Variants in TRIM41 observed in about 807,000 individuals in gnomAD.
TRIM41 encodes tripartite motif containing 41.
A neutral mutation model predicts 60.6 loss-of-function variants in TRIM41; 21 were observed. That is an observed-to-expected ratio of 0.35 (90% CI 0.25 to 0.50). The LOEUF is 0.50. Ranked by LOEUF, TRIM41 falls within the 20% of genes least tolerant of loss-of-function variation. The pLI, the probability that TRIM41 is intolerant of heterozygous loss-of-function variation, is 0.98. For missense variants in TRIM41, 846 were observed against 868.3 expected, an observed-to-expected ratio of 0.97 and a Z score of 0.32; for synonymous variants, 407 against 344.9, an observed-to-expected ratio of 1.18 and a Z score of -2.00.
In TRIM41 at chr5:181,234,053, G is replaced by T; in HGVS notation, c.1292-121G>T. The T allele has an allele frequency of 6.6e-7, 1 of 1,520,442 alleles. No homozygotes were observed. Among genetic ancestry groups the T allele is most frequent in the Non-Finnish European group, 9.0e-7 (1 of 1,113,466 alleles). 94.2% of individuals were successfully genotyped at this position (1,520,442 alleles called of 1,614,324 possible). Reference sequence around the variant, plus strand: ...ATGAGCCTGCAGGAATCTGAGGCTGGCCTCTGGGATGGTGTGGGGAGCTGG... The same window carrying T: ...ATGAGCCTGCAGGAATCTGAGGCTGTCCTCTGGGATGGTGTGGGGAGCTGG... On this transcript the variant is annotated intron_variant, in intron 5 of 5. Coordinates refer to ENST00000315073, the MANE Select transcript of TRIM41 (RefSeq NM_033549.5). This position sits in a 1 kb window ranked among gnomAD's most constrained non-coding sequence, Gnocchi z 5.6.
chr5:181,225,143 C>G, intron 1 of TRIM41: 1 of 363,892 alleles, frequency 2.7e-6, no homozygotes, highest in South Asian at 2.9e-5. Context: ...GACGGAGACA[C>G]CTAGAGATGG....
chr5:181,224,868 AG>A (rs1274342387), intron 1 of TRIM41, 56 bp downstream of exon 1: 44 of 1,609,786 alleles, frequency 2.7e-5, no homozygotes, highest in Non-Finnish European at 3.6e-5. Flanking sequence ...AGAGGAAGTA[AG>A]GGGACCTGGG....
At position 181,235,638 on chromosome 5, in the gene TRIM41, G is replaced by A. The variant is rs1759079116; in HGVS notation, c.*863G>A. On this transcript the variant is annotated 3_prime_UTR_variant, in exon 6 of 6. Transcript: ENST00000315073. ...TGGCAAGCTCTGAGGGGGAGCCTGG[G>A]GACGGGTTTGGGTCCCCAGGAGGAG... 1.9e-6 allele frequency: 1 copy of A among 531,832 alleles called. No individual in the cohort carries two copies. The highest frequency in any genetic ancestry group is 3.1e-5 in the East Asian group (1 of 32,404). The allele number at this position is 531,832 out of a possible 1,614,324, so 32.9% of individuals were successfully genotyped here.
chr5:181,233,612 C>T lies in TRIM41; in HGVS notation c.1164-24C>T. 6.2e-7 allele frequency: 1 copy of T among 1,613,396 alleles called. No homozygotes were observed. The highest frequency in any genetic ancestry group is 8.5e-7 in the Non-Finnish European group (1 of 1,179,444). On this transcript the variant is annotated intron_variant, in intron 4 of 5. Transcript: ENST00000315073. The surrounding 1 kb of genome is among the most constrained non-coding windows in gnomAD (Gnocchi z 4.1). ...CCTCTGGGAATATCGTGGTCCCACC[C>T]CCTGCCCGGTCCCCTTCCTCCAGGT... is the stretch of plus-strand genomic sequence containing the variant.
In TRIM41 at chr5:181,235,490, C is replaced by T; in HGVS notation, c.*715C>T. On this transcript the variant is annotated 3_prime_UTR_variant, in exon 6 of 6. Transcript: ENST00000315073. ...CCCCCTTCCCTTTTCCAGCACTCAA[C>T]CAAGGAGCAAAGCTCATCCCACCCC... is the stretch of plus-strand genomic sequence containing the variant. The T allele has an allele frequency of 6.6e-7, 1 of 1,524,498 alleles. No homozygotes were observed. The allele number at this position is 1,524,498 out of a possible 1,614,324, so 94.4% of individuals were successfully genotyped here.
chr5:181,230,906 C>A, intron 2 of TRIM41, 67 bp downstream of exon 2: 2 of 1,412,282 alleles, frequency 1.4e-6, no homozygotes, highest in Non-Finnish European at 2.0e-6. Flanking sequence ...GGGCTTCCCA[C>A]TCTCACAGGG....
At chr5:181,225,125 C>A (rs1233300383) in intron 1 of TRIM41, 2 of 417,772 alleles carry the variant, frequency 4.8e-6, no homozygotes, top group South Asian at 2.4e-5. Context: ...AGTCTTAAGT[C>A]TGTCCTTGAC....
Position 181,235,776 on chromosome 5 carries a change from T to A in TRIM41, c.*1001T>A. 4.5e-6 allele frequency: 1 copy of A among 221,020 alleles called. No homozygotes were observed. Among genetic ancestry groups the A allele is most frequent in the Non-Finnish European group, 9.3e-6 (1 of 107,650 alleles). 13.7% of individuals were successfully genotyped at this position (221,020 alleles called of 1,614,324 possible). Reference sequence around the variant, plus strand: ...ATGTTCTTTGGGAAAAGGGAAGGCGTGCTGTGGAAATAAAATGTTTATTTG... The same window carrying A: ...ATGTTCTTTGGGAAAAGGGAAGGCGAGCTGTGGAAATAAAATGTTTATTTG... On this transcript the variant is annotated 3_prime_UTR_variant, in exon 6 of 6. Coordinates refer to ENST00000315073, the MANE Select transcript of TRIM41 (RefSeq NM_033549.5).
In TRIM41 at chr5:181,233,262, T is replaced by C. The variant is rs965245192; in HGVS notation, c.1141-151T>C. The C allele has an allele frequency of 1.5e-5, 13 of 842,618 alleles. No individual in the cohort carries two copies. Among genetic ancestry groups the C allele is most frequent in the African/African-American group, 1.5e-4 (9 of 60,130 alleles). The allele number at this position is 842,618 out of a possible 1,614,324, so 52.2% of individuals were successfully genotyped here. ...CGAGGCATGGGGTGGTTGAAATGGATGTGTGTTCATTGAGGGCCGTGAGGG... is the reference window on the plus strand; with the variant it reads ...CGAGGCATGGGGTGGTTGAAATGGACGTGTGTTCATTGAGGGCCGTGAGGG... On this transcript the variant is annotated intron_variant, in intron 3 of 5. Transcript: ENST00000315073. This position sits in a 1 kb window ranked among gnomAD's most constrained non-coding sequence, Gnocchi z 4.1.
chr5:181,233,619 C>T lies in TRIM41; in HGVS notation c.1164-17C>T, dbSNP rs374615378. 35 of 1,613,540 alleles carry T rather than the reference C, an allele frequency of 2.2e-5. No individual in the cohort carries two copies. The highest frequency in any genetic ancestry group is 4.4e-5 in the South Asian group (4 of 91,074). On this transcript the variant is annotated splice_polypyrimidine_tract_variant and intron_variant, in intron 4 of 5. Coordinates refer to ENST00000315073, the MANE Select transcript of TRIM41 (RefSeq NM_033549.5). This position sits in a 1 kb window ranked among gnomAD's most constrained non-coding sequence, Gnocchi z 4.1. ...GAATATCGTGGTCCCACCCCCTGCC[C>T]GGTCCCCTTCCTCCAGGTGTGAAGA... is the stretch of plus-strand genomic sequence containing the variant.
chr5:181,232,702 G>A lies in TRIM41; in HGVS notation c.953G>A (p.Gly318Glu). The part of the protein sequence containing the change: ...SELAAVASEF[G>E]RLTRFLAEEQ... ...CTGGCAGCGGTGGCCTCGGAGTTTG[G>A]GCGACTGACACGGTTTCTGGCTGAA... The change falls in exon 3 of 6, where the codon GGG (glycine) becomes GAG (glutamate). Residue 318 changes from glycine (G) to glutamate (E), a missense_variant. Coordinates refer to ENST00000315073, the MANE Select transcript of TRIM41 (RefSeq NM_033549.5). 1 of 1,614,122 alleles carries A rather than the reference G, an allele frequency of 6.2e-7. No individual in the cohort carries two copies. Among genetic ancestry groups the A allele is most frequent in the Non-Finnish European group, 8.5e-7 (1 of 1,180,026 alleles).
chr5:181,231,367 TTTTGTTG>T (rs900205987), intron 2 of TRIM41: 2 of 150,560 alleles, frequency 1.3e-5, no homozygotes, highest in African/African-American at 5.1e-5. Flanking sequence ...CCCCCGCTTT[TTTTGTTG>T]TTTTTTTCCA....
chr5:181,232,547 C>A, intron 2 of TRIM41, 112 bp from the exon 3 acceptor site: 2 of 994,000 alleles, frequency 2.0e-6, no homozygotes, highest in Non-Finnish European at 3.0e-6. Context: ...TATCTTGGAC[C>A]TGGGGAGTGT....
rs1319756133 is a variant in TRIM41 at position 181,235,793 on chromosome 5, GTTTA to G, written c.*1022_*1025del. 4 of 206,024 alleles carry G rather than the reference GTTTA, an allele frequency of 1.9e-5. No individual in the cohort carries two copies. The highest frequency in any genetic ancestry group is 9.1e-5 in the African/African-American group (4 of 43,810). The allele number at this position is 206,024 out of a possible 1,614,324, so 12.8% of individuals were successfully genotyped here. A position where few individuals can be genotyped will look rare whatever the true frequency, so the allele number is the denominator to read the frequency against. On this transcript the variant is annotated 3_prime_UTR_variant, in exon 6 of 6. Transcript: ENST00000315073. ...GGAAGGCGTGCTGTGGAAATAAAATGTTTATTTGCTTCTCTTGTGAGGTCTGTTC... is the reference window on the plus strand; with the variant it reads ...GGAAGGCGTGCTGTGGAAATAAAATGTTTGCTTCTCTTGTGAGGTCTGTTC...
At position 181,233,920 on chromosome 5, in the gene TRIM41, T is replaced by TAGACCTAGTGCAGGC; in HGVS notation, c.1291+160_1291+174dup. 1.5e-6 allele frequency: 2 copies of TAGACCTAGTGCAGGC among 1,303,728 alleles called. No individual in the cohort carries two copies. Among genetic ancestry groups the TAGACCTAGTGCAGGC allele is most frequent in the East Asian group, 4.8e-5 (2 of 41,350 alleles). 80.8% of individuals were successfully genotyped at this position (1,303,728 alleles called of 1,614,324 possible). On this transcript the variant is annotated intron_variant, in intron 5 of 5. Transcript: ENST00000315073. The surrounding 1 kb of genome is among the most constrained non-coding windows in gnomAD (Gnocchi z 4.1). ...GTTGAGGTTTCAAGCCATGAGCAGG[T>TAGACCTAGTGCAGGC]AGACCTAGTGCAGGCAGGCCTGGAG...
At position 181,224,441 on chromosome 5, in the gene TRIM41, G is replaced by C. The variant is rs781543086; in HGVS notation, c.442G>C (p.Glu148Gln). The C allele has an allele frequency of 3.7e-6, 6 of 1,613,408 alleles. No individual in the cohort carries two copies. The East Asian group carries it at 1.3e-4, about 36-fold the overall frequency. ...CATGGAGGAGGAGGACCTGAGGGGG[G>C]AGGATGAGGAGGACGAGGAGGAAGT... ...GDMEEEDLRG[E>Q]DEEDEEEVLE... Residue 148 changes from glutamate to glutamine, a missense_variant, in exon 1 of 6, where the codon GAG (glutamate) becomes CAG (glutamine). By Grantham distance (29) the Glu-to-Gln change is conservative. Coordinates refer to ENST00000315073, the MANE Select transcript of TRIM41 (RefSeq NM_033549.5).
Position 181,234,369 on chromosome 5 carries a change from G to T in TRIM41, c.1487G>T (p.Arg496Leu). 1 of 1,554,888 alleles carries T rather than the reference G, an allele frequency of 6.4e-7. No individual in the cohort carries two copies. The highest frequency in any genetic ancestry group is 2.4e-5 in the East Asian group (1 of 41,384). The change falls in exon 6 of 6, where the codon CGG becomes CTG. Residue 496 changes from arginine to leucine, a missense_variant. Transcript: ENST00000315073. The surrounding 1 kb of genome is among the most constrained non-coding windows in gnomAD (Gnocchi z 5.6). ...TGGGAGGTAGAGGTGGGCGGGCGGC[G>T]GGGCTGGGCGGTGGGTGCTGCCCGT... is the stretch of plus-strand genomic sequence containing the variant. ...HYWEVEVGGR[R>L]GWAVGAARES...
rs771400700 is a variant in TRIM41, at chr5:181,233,593, G to A, written c.1164-43G>A. 1.9e-6 allele frequency: 3 copies of A among 1,611,868 alleles called. No individual in the cohort carries two copies. The highest frequency in any genetic ancestry group is 2.2e-5 in the South Asian group (2 of 90,988). On this transcript the variant is annotated intron_variant, in intron 4 of 5. Transcript: ENST00000315073. The surrounding 1 kb of genome is among the most constrained non-coding windows in gnomAD (Gnocchi z 4.1). ...CCCTCAGCTTTTGCTTTTCCCTCTG[G>A]GAATATCGTGGTCCCACCCCCTGCC...
chr5:181,229,946 G>A (rs1173754258), intron 1 of TRIM41: 1 of 152,456 alleles, frequency 6.6e-6, no homozygotes, highest in African/African-American at 2.4e-5. Context: ...AAGGCGTTGA[G>A]TGTAGAGGTG....
Sources: gnomAD v4.1 joint callset for allele counts on GRCh38, gnomAD v4.1.1 for gene constraint, Gnocchi (gnomAD v3.1) non-coding constraint, MANE v1.5 for transcripts, NCBI Gene and HGNC (gene_info 2026-07-23, HGNC 2026-07-21) for gene names.